AGTR1: variants seen among roughly 807,000 people sequenced by gnomAD.
The protein encoded by AGTR1 is type-1 angiotensin II receptor.
In AGTR1, 16 loss-of-function variants were observed where a neutral mutation model predicts 19.4. The ratio of observed to expected loss-of-function variants is 0.82; its 90% CI spans 0.56 to 1.25. AGTR1 has a LOEUF of 1.25. Ranked by LOEUF, AGTR1 falls within the 50% of genes most tolerant of loss-of-function variation. The probability of loss-of-function intolerance (pLI) is 0.00; values close to 1 mark genes in which losing one functional copy is unlikely to be tolerated. For missense variants in AGTR1, 373 were observed against 431.9 expected, an observed-to-expected ratio of 0.86 and a Z score of 1.21; for synonymous variants, 153 against 154.9, an observed-to-expected ratio of 0.99 and a Z score of 0.09.
chr3:148,711,621 CT>C (rs1712988980), intron 2 of AGTR1, among the ~76,000 whole-genome samples: 2 of 152,184 alleles, frequency 1.3e-5, no homozygotes, highest in African/African-American at 4.8e-5. Flanking sequence ...AAATAACCTA[CT>C]ATTCACACAA....
intron 2 of AGTR1, among the ~76,000 whole-genome samples, chr3:148,726,398 G>A (rs986366569): frequency 1.3e-5 from 2 of 151,948 alleles, no homozygotes; most frequent in East Asian, 1.9e-4. Context: ...TAGTAGAGAC[G>A]GGGTTTCACC....
chr3:148,735,954 A>G (rs1714551039), intron 2 of AGTR1, among the ~76,000 whole-genome samples: 1 of 152,200 alleles, frequency 6.6e-6, no homozygotes, highest in South Asian at 2.1e-4. Context: ...ATAGAAGATT[A>G]TTCCAAAATA....
rs1714921606 is a variant in AGTR1, at chr3:148,741,846, A to G, written c.811A>G (p.Ile271Val). Reference sequence around the variant, plus strand: ...GGATGTATTGATTCAACTAGGCATCATACGTGACTGTAGAATTGCAGATAT... The same window carrying G: ...GGATGTATTGATTCAACTAGGCATCGTACGTGACTGTAGAATTGCAGATAT... ...FLDVLIQLGI[I>V]RDCRIADIVD... The change falls in exon 3 of 3, where the codon ATA becomes GTA. Residue 271 changes from isoleucine (I) to valine (V), a missense_variant. Ile to Val is a conservative substitution (Grantham distance 29, BLOSUM62 3). Transcript: ENST00000349243. 1 of 1,613,966 alleles carries G rather than the reference A, an allele frequency of 6.2e-7. No homozygotes were observed. The highest frequency in any genetic ancestry group is 1.6e-4 in the Middle Eastern group (1 of 6,084).
Position 148,707,977 on chromosome 3 carries a change from G to A in AGTR1, c.-98G>A, listed in dbSNP as rs1712764194. On this transcript the variant is annotated 5_prime_UTR_variant, in exon 2 of 3. Transcript: ENST00000349243. ...TTTGACAAATTGATCTAAAATGGCT[G>A]GGTTTTTATCTGAATAACTCACTGA... 6.6e-6 allele frequency: 1 copy of A among 152,102 alleles called. No individual in the cohort carries two copies. Among genetic ancestry groups the A allele is most frequent in the African/African-American group, 2.4e-5 (1 of 41,398 alleles). 9.4% of individuals were successfully genotyped at this position (152,102 alleles called of 1,614,324 possible).
At chr3:148,729,278 C>T (rs1172674749) in intron 2 of AGTR1, among the ~76,000 whole-genome samples, 5 of 152,114 alleles carry the variant, frequency 3.3e-5, no homozygotes, top group South Asian at 2.1e-4. Flanking sequence ...AAAAAATTCT[C>T]CTGTCCTTAA....
chr3:148,727,643 AAC>A (rs1332657853), intron 2 of AGTR1, among the ~76,000 whole-genome samples: 1 of 152,234 alleles, frequency 6.6e-6, no homozygotes, highest in Non-Finnish European at 1.5e-5. Flanking sequence ...AGAATGATCT[AAC>A]ACAGCAGATA....
chr3:148,709,090 C>T (rs1353342844), intron 2 of AGTR1, among the ~76,000 whole-genome samples: 1 of 151,966 alleles, frequency 6.6e-6, no homozygotes, highest in African/African-American at 2.4e-5. Context: ...CAATGGATAT[C>T]TTTAGGGATG....
At chr3:148,720,678 C>G (rs1713579770) in intron 2 of AGTR1, among the ~76,000 whole-genome samples, 1 of 150,778 alleles carries the variant, frequency 6.6e-6, no homozygotes, top group South Asian at 2.1e-4. Context: ...AATAAACATG[C>G]AATAAAAAAG....
In AGTR1 at chr3:148,741,590, G is replaced by A. The variant is rs1576542192; in HGVS notation, c.555G>A (p.Glu185=). 6.2e-7 allele frequency: 1 copy of A among 1,613,992 alleles called. No individual in the cohort carries two copies. The highest frequency in any genetic ancestry group is 1.3e-5 in the African/African-American group (1 of 74,992). ...TNITVCAFHY[E]SQNSTLPIGL... is the part of the protein sequence containing the mutation. Reference sequence around the variant, plus strand: ...TTACAGTTTGTGCTTTCCATTATGAGTCCCAAAATTCAACCCTCCCGATAG... The same window carrying A: ...TTACAGTTTGTGCTTTCCATTATGAATCCCAAAATTCAACCCTCCCGATAG... Residue 185 remains glutamate, a synonymous_variant, in exon 3 of 3, where the codon GAG becomes GAA. Coordinates refer to ENST00000349243, the MANE Select transcript of AGTR1 (RefSeq NM_000685.5).
chr3:148,718,696 A>G (rs1034767307), intron 2 of AGTR1, among the ~76,000 whole-genome samples: 1 of 152,226 alleles, frequency 6.6e-6, no homozygotes, highest in Non-Finnish European at 1.5e-5. Flanking sequence ...ACCTAATTAA[A>G]TGAAATTTTA....
chr3:148,725,977 G>C (rs1713909943), intron 2 of AGTR1, among the ~76,000 whole-genome samples: 1 of 152,072 alleles, frequency 6.6e-6, no homozygotes, highest in Admixed American at 6.6e-5. Flanking sequence ...ATTGTATCTA[G>C]TGTATTCATA....
intron 1 of AGTR1, chr3:148,698,404 G>A (rs1340239492): frequency 1.3e-5 from 2 of 152,204 alleles, no homozygotes; most frequent in South Asian, 2.1e-4. Context: ...CGAGTGCAAG[G>A]AAGAAATCTA....
chr3:148,703,933 C>T (rs1182152924), intron 1 of AGTR1, among the ~76,000 whole-genome samples: 2 of 152,084 alleles, frequency 1.3e-5, no homozygotes, highest in African/African-American at 4.8e-5. Context: ...CCTTCTTTAA[C>T]TGTTTGAAAA....
chr3:148,718,164 G>C (rs1244895844), intron 2 of AGTR1, among the ~76,000 whole-genome samples: 1 of 152,182 alleles, frequency 6.6e-6, no homozygotes, highest in Non-Finnish European at 1.5e-5. Flanking sequence ...GAGCTTCCTA[G>C]TATTACACCT....
In AGTR1 at chr3:148,742,739, C is replaced by T. The variant is rs1714990633; in HGVS notation, c.*624C>T. The T allele has an allele frequency of 5.7e-6, 1 of 173,998 alleles. No individual in the cohort carries two copies. The highest frequency in any genetic ancestry group is 1.8e-4 in the South Asian group (1 of 5,440). 10.8% of individuals were successfully genotyped at this position (173,998 alleles called of 1,614,324 possible). On this transcript the variant is annotated 3_prime_UTR_variant, in exon 3 of 3. Transcript: ENST00000349243. ...TTGTATAATGGTGTTACTAAAGTCA[C>T]ATATAAAAGTTAAACTACTTGTAAA... is the stretch of plus-strand genomic sequence containing the variant.
chr3:148,739,837 C>A, intron 2 of AGTR1: 2 of 1,231,768 alleles, frequency 1.6e-6, no homozygotes, highest in Non-Finnish European at 1.0e-6. Flanking sequence ...CCATGTTCAT[C>A]TGGGGACCTG....
At chr3:148,740,030 T>G in intron 2 of AGTR1, 1 of 1,184,326 alleles carries the variant, frequency 8.4e-7, no homozygotes, top group Non-Finnish European at 1.1e-6. Flanking sequence ...GGGCAGAATG[T>G]GTTGATTTTC....
Position 148,742,265 on chromosome 3 carries a change from C to T in AGTR1, c.*150C>T, listed in dbSNP as rs1356874445. On this transcript the variant is annotated 3_prime_UTR_variant, in exon 3 of 3. Coordinates refer to ENST00000349243, the MANE Select transcript of AGTR1 (RefSeq NM_000685.5). ...GTGGACTGAACCGACTTTTCTAAAG[C>T]TCTGAACAAAAGCTTTTCTTTCCTT... is the stretch of plus-strand genomic sequence containing the variant. The T allele has an allele frequency of 6.2e-6, 7 of 1,132,608 alleles. No homozygotes were observed. Among genetic ancestry groups the T allele is most frequent in the Non-Finnish European group, 9.4e-6 (7 of 743,334 alleles). The allele number at this position is 1,132,608 out of a possible 1,614,324, so 70.2% of individuals were successfully genotyped here. A position where few individuals can be genotyped will look rare whatever the true frequency, so the allele number is the denominator to read the frequency against.
At chr3:148,740,483 A>C (rs1431568455) in intron 2 of AGTR1, among the ~76,000 whole-genome samples, 1 of 152,210 alleles carries the variant, frequency 6.6e-6, no homozygotes, top group Non-Finnish European at 1.5e-5. Context: ...TGACCACTTA[A>C]GGGAGAATAC....
Sources: allele counts gnomAD v4.1 joint callset (sites outside exome capture counted in the v4.1 genomes callset), GRCh38; gene constraint gnomAD v4.1.1; transcripts MANE v1.5; gene names NCBI Gene and HGNC (gene_info 2026-07-23, HGNC 2026-07-21).